Variants in MID2 observed in about 807,000 individuals in gnomAD.
MID2 encodes the protein midline 2.
A neutral mutation model predicts 46.1 loss-of-function variants in MID2; 13 were observed. That is an observed-to-expected ratio of 0.28 (90% CI 0.18 to 0.45). The LOEUF (loss-of-function observed/expected upper bound fraction) is 0.45, where lower values mean the gene tolerates loss of function less well. Ranked by LOEUF, MID2 falls within the 20% of genes least tolerant of loss-of-function variation. MID2 has a pLI of 1.00. For missense variants in MID2, 431 were observed against 575.4 expected, an observed-to-expected ratio of 0.75 and a Z score of 2.57; for synonymous variants, 199 against 212.3, an observed-to-expected ratio of 0.94 and a Z score of 0.55.
At chrX:107,915,679 A>G (rs1259643407) in intron 5 of MID2, among the ~76,000 whole-genome samples, 2 of 112,053 alleles carry the variant, frequency 1.8e-5, no homozygotes, top group African/African-American at 6.5e-5. Flanking sequence ...CAAACCTTTA[A>G]AGGTCTAGTT....
At chrX:107,850,724 G>A (rs1261289181) in intron 2 of MID2, among the ~76,000 whole-genome samples, 1 of 111,964 alleles carries the variant, frequency 8.9e-6, no homozygotes, top group Non-Finnish European at 1.9e-5. Context: ...AACTCAAGGC[G>A]CATAGTCTAA....
At chrX:107,926,570 A>G in intron 9 of MID2, 101 bp from the exon 10 acceptor site, 1 of 835,405 alleles carries the variant, frequency 1.2e-6, no homozygotes, top group Non-Finnish European at 1.7e-6. Flanking sequence ...CTATTTAAGG[A>G]ATAAACATAT....
rs1932225726 is a variant in MID2 at position 107,877,482 on chromosome X, G to C, written c.816+22778G>C. ...TTCCTTCTTTCAGTGAAAACTTGAG[G>C]TATGAGGGAGAGAGAAAGTGAACCT... On this transcript the variant is annotated intron_variant, in intron 3 of 9. Transcript: ENST00000262843. 4.5e-5 allele frequency among the ~76,000 whole-genome samples: 5 copies of C among 112,063 alleles called. No individual in the cohort carries two copies. The Admixed American group carries it at 4.7e-4, about 10-fold the overall frequency.
Position 107,926,256 on chromosome X carries a change from A to G in MID2, c.1760A>G (p.Asp587Gly), listed in dbSNP as rs752792139. The change falls in exon 9 of 10, where the codon GAC (aspartate) becomes GGC (glycine). Residue 587 changes from aspartate (D) to glycine (G), a missense_variant. Asp to Gly is a moderately conservative substitution (Grantham distance 94). Transcript: ENST00000262843. ...CYGAAGNIFI[D>G]SGCHYWEVVM... ...GGGGCAGCAGGAAATATATTCATTG[A>G]CAGTGGCTGCCACTATTGGGAGGTG... 1 of 1,210,615 alleles carries G rather than the reference A, an allele frequency of 8.3e-7. No homozygotes were observed. Among genetic ancestry groups the G allele is most frequent in the Non-Finnish European group, 1.1e-6 (1 of 895,007 alleles).
At chrX:107,850,105 C>G (rs927399358) in intron 2 of MID2, among the ~76,000 whole-genome samples, 1 of 111,430 alleles carries the variant, frequency 9.0e-6, no homozygotes, top group East Asian at 2.8e-4. Context: ...GCAAAACACA[C>G]CAATATTTCA....
At position 107,853,538 on chromosome X, in the gene MID2, G is replaced by A. The variant is rs184111850; in HGVS notation, c.721-1071G>A. On this transcript the variant is annotated intron_variant, in intron 2 of 9. Coordinates refer to ENST00000262843, the MANE Select transcript of MID2 (RefSeq NM_012216.4). ...TGGTCTTGAACTCCTGGGCTCAAGC[G>A]ATCTGCCCACCTCAGCCTCCCAAAG... is the stretch of plus-strand genomic sequence containing the variant. Among the ~76,000 whole-genome samples, 369 of 111,129 alleles carry A rather than the reference G, an allele frequency of 3.3e-3. 4 individuals are homozygous for A. The highest frequency in any genetic ancestry group is 0.012 in the African/African-American group (354 of 30,478).
At chrX:107,874,447 T>G (rs1470497703) in intron 3 of MID2, among the ~76,000 whole-genome samples, 1 of 112,782 alleles carries the variant, frequency 8.9e-6, no homozygotes, top group Non-Finnish European at 1.9e-5. Flanking sequence ...GGAGGCAGGC[T>G]GTCCATCTTT....
Position 107,927,404 on chromosome X carries a change from A to G in MID2, c.*331A>G, listed in dbSNP as rs1216471083. ...GCAATTAGGGTAATTCTAGTTAAAT[A>G]ATGTGGAAAGGTGCCCTGAATAAGG... On this transcript the variant is annotated 3_prime_UTR_variant, in exon 10 of 10. Coordinates refer to ENST00000262843, the MANE Select transcript of MID2 (RefSeq NM_012216.4). Among the ~76,000 whole-genome samples the G allele has an allele frequency of 1.8e-5, 2 of 111,714 alleles. No individual in the cohort carries two copies. Among genetic ancestry groups the G allele is most frequent in the Admixed American group, 9.5e-5 (1 of 10,551 alleles).
chrX:107,913,677 T>G (rs1326472893), intron 5 of MID2, among the ~76,000 whole-genome samples: 1 of 112,145 alleles, frequency 8.9e-6, no homozygotes, highest in Non-Finnish European at 1.9e-5. Context: ...TTGCTTTGAC[T>G]TTGTTTTCTT....
chrX:107,914,557 A>G (rs976625651), intron 5 of MID2, among the ~76,000 whole-genome samples: 2 of 112,208 alleles, frequency 1.8e-5, no homozygotes, highest in Admixed American at 1.9e-4. Flanking sequence ...CTAGTTCACC[A>G]TAAAAGTTTC....
At chrX:107,846,475 T>G (rs1294419595) in intron 2 of MID2, among the ~76,000 whole-genome samples, 1 of 110,639 alleles carries the variant, frequency 9.0e-6, no homozygotes, top group Non-Finnish European at 1.9e-5. Flanking sequence ...AAATCATTCT[T>G]GCTTGTAGAT....
chrX:107,871,725 C>T (rs1289940773), intron 3 of MID2, among the ~76,000 whole-genome samples: 2 of 110,699 alleles, frequency 1.8e-5, no homozygotes, highest in African/African-American at 6.6e-5. Flanking sequence ...TAGCTGTCCC[C>T]AGCTGGACTC....
At chrX:107,888,489 A>C (rs757558232) in intron 3 of MID2, among the ~76,000 whole-genome samples, 103 of 112,011 alleles carry the variant, frequency 9.2e-4, no homozygotes, top group African/African-American at 3.2e-3. Flanking sequence ...GGTCTGAGAG[A>C]CAGTTTGTTA....
chrX:107,843,685 G>C (rs1931397564), intron 2 of MID2, among the ~76,000 whole-genome samples: 1 of 110,777 alleles, frequency 9.0e-6, no homozygotes, highest in South Asian at 3.9e-4. Context: ...GGGGTGGAGG[G>C]GTCACTTTGG....
In MID2 at chrX:107,929,008, C is replaced by T. The variant is rs187002903; in HGVS notation, c.*1935C>T. Among the ~76,000 whole-genome samples, 12 of 111,778 alleles carry T rather than the reference C, an allele frequency of 1.1e-4. 1 individual carries two copies. In the Admixed American group the frequency reaches 1.1e-3, roughly 11 times the overall value. Reference sequence around the variant, plus strand: ...TCCTAGTTTCTGTACCATTTATTAGCGTTGTGACCTAGGACAAGTACCTCA... The same window carrying T: ...TCCTAGTTTCTGTACCATTTATTAGTGTTGTGACCTAGGACAAGTACCTCA... On this transcript the variant is annotated 3_prime_UTR_variant, in exon 10 of 10. Transcript: ENST00000262843.
intron 1 of MID2, among the ~76,000 whole-genome samples, chrX:107,828,156 G>A (rs765537095): frequency 2.7e-5 from 3 of 110,759 alleles, no homozygotes; most frequent in African/African-American, 9.9e-5. Context: ...TGCTCACACC[G>A]TGTGAGAATC....
intron 2 of MID2, among the ~76,000 whole-genome samples, chrX:107,842,361 TAAG>T (rs1931365630): frequency 8.9e-6 from 1 of 112,346 alleles, no homozygotes; most frequent in Non-Finnish European, 1.9e-5. Flanking sequence ...TAATTTCTCT[TAAG>T]AAGGGAGCTA....
intron 2 of MID2, among the ~76,000 whole-genome samples, chrX:107,849,788 TGTA>T (rs1259653035): frequency 1.8e-5 from 2 of 112,475 alleles, no homozygotes; most frequent in Admixed American, 9.4e-5. Context: ...GCTAGCATAA[TGTA>T]GTCATCTGGA....
At chrX:107,876,136 G>C (rs1932194963) in intron 3 of MID2, among the ~76,000 whole-genome samples, 1 of 111,143 alleles carries the variant, frequency 9.0e-6, no homozygotes, top group Non-Finnish European at 1.9e-5. Context: ...GCAGTTAACA[G>C]GTGCACCTCA....
Sources: gnomAD v4.1 joint callset for allele counts (sites outside exome capture counted in the v4.1 genomes callset) on GRCh38, gnomAD v4.1.1 for gene constraint, MANE v1.5 for transcripts, NCBI Gene and HGNC (gene_info 2026-07-23, HGNC 2026-07-21) for gene names.